Variants in EDA observed in about 807,000 individuals in gnomAD.
EDA encodes the protein ectodysplasin-A.
EDA carries 2 observed loss-of-function variants against 23.6 expected under a neutral mutation model. That is an observed-to-expected ratio of 0.08 (90% CI 0.03 to 0.27). The LOEUF (loss-of-function observed/expected upper bound fraction) is 0.27. Among genes scored for constraint, EDA ranks in the 10% least tolerant of loss-of-function variants. EDA has a pLI of 1.00. For synonymous variants in EDA, 131 were observed against 132.0 expected (o/e 0.99, Z 0.05); for missense variants, 229 against 324.2 (o/e 0.71, Z 2.26).
At chrX:69,674,923 C>T (rs778253038) in intron 1 of EDA, among the ~76,000 whole-genome samples, 3 of 111,982 alleles carry the variant, frequency 2.7e-5, no homozygotes, top group Non-Finnish European at 5.6e-5. Flanking sequence ...CTTCCTTGAA[C>T]CTCTGAAGTG....
At chrX:69,861,700 T>G (rs2017389399) in intron 1 of EDA, among the ~76,000 whole-genome samples, 1 of 111,550 alleles carries the variant, frequency 9.0e-6, no homozygotes, top group African/African-American at 3.3e-5. Flanking sequence ...AGACAAATAC[T>G]AACAAAAAAC....
At chrX:69,801,852 C>T (rs2015695080) in intron 1 of EDA, among the ~76,000 whole-genome samples, 2 of 111,617 alleles carry the variant, frequency 1.8e-5, no homozygotes, top group South Asian at 3.7e-4. Context: ...CTGACAGTTC[C>T]AATTTTGGCT....
chrX:69,718,293 CT>C (rs376781592), intron 1 of EDA, among the ~76,000 whole-genome samples: 20 of 110,327 alleles, frequency 1.8e-4, no homozygotes, highest in African/African-American at 5.6e-4. Flanking sequence ...ACCTGTATGC[CT>C]TTTTTTTCTT....
intron 1 of EDA, among the ~76,000 whole-genome samples, chrX:69,956,770 A>G (rs961161965): frequency 8.9e-6 from 1 of 112,156 alleles, no homozygotes; most frequent in Non-Finnish European, 1.9e-5. Context: ...AAGAAATGGG[A>G]CCTGATGGAT....
chrX:70,012,853 G>T (rs1449423794), intron 2 of EDA, among the ~76,000 whole-genome samples: 1 of 111,670 alleles, frequency 9.0e-6, no homozygotes, highest in African/African-American at 3.3e-5. Flanking sequence ...CCGCTACCTG[G>T]GCTCTTGGGC....
At chrX:69,863,611 GTA>G (rs1369951503) in intron 1 of EDA, among the ~76,000 whole-genome samples, 1 of 80,802 alleles carries the variant, frequency 1.2e-5, no homozygotes, top group African/African-American at 4.7e-5. Flanking sequence ...ATATATGTGT[GTA>G]TATATGTGTG....
At chrX:69,956,342 CTTTT>C (rs200365541) in intron 1 of EDA, among the ~76,000 whole-genome samples, 32 of 73,665 alleles carry the variant, frequency 4.3e-4, no homozygotes, top group Middle Eastern at 7.8e-3. Flanking sequence ...TTTCTTTCTT[CTTTT>C]TTTTTTTTTT....
chrX:69,756,978 A>T (rs957726324), intron 1 of EDA: 1 of 111,715 alleles, frequency 9.0e-6, no homozygotes, highest in African/African-American at 3.3e-5. Context: ...TACCATTGAC[A>T]GAGTGAGGTG....
chrX:69,808,128 G>T (rs935659397), intron 1 of EDA, among the ~76,000 whole-genome samples: 17 of 111,638 alleles, frequency 1.5e-4, no homozygotes, highest in African/African-American at 5.2e-4. Flanking sequence ...CAACTGTACT[G>T]AATAGTGTTG....
chrX:69,927,905 G>A (rs2018545532), intron 1 of EDA, among the ~76,000 whole-genome samples: 2 of 110,544 alleles, frequency 1.8e-5, no homozygotes, highest in African/African-American at 6.6e-5. Context: ...TTACTTCAGG[G>A]TCACACTAGG....
At chrX:69,702,838 TG>T (rs2011573481) in intron 1 of EDA, among the ~76,000 whole-genome samples, 2 of 111,661 alleles carry the variant, frequency 1.8e-5, no homozygotes, top group South Asian at 7.6e-4. Flanking sequence ...TAAAGTCGAA[TG>T]TTCATTTGCG....
At chrX:69,856,254 G>GGTGTGT (rs202079519) in intron 1 of EDA, among the ~76,000 whole-genome samples, 2,888 of 74,857 alleles carry the variant, frequency 0.039, 69 homozygotes, top group South Asian at 0.045. Context: ...AGTATTCCAT[G>GGTGTGT]GTGTGTGTGT....
chrX:69,825,542 A>G (rs1454220026), intron 1 of EDA, among the ~76,000 whole-genome samples: 1 of 111,211 alleles, frequency 9.0e-6, no homozygotes, highest in African/African-American at 3.3e-5. Flanking sequence ...ATCTGTGGTG[A>G]TATCCCCTTT....
intron 1 of EDA, among the ~76,000 whole-genome samples, chrX:69,891,832 A>G (rs1465546993): frequency 3.6e-5 from 4 of 111,269 alleles, no homozygotes; most frequent in South Asian, 7.7e-4. Flanking sequence ...TACCTGGGTG[A>G]TGGGATGATC....
chrX:69,927,844 C>T (rs944681002), intron 1 of EDA, among the ~76,000 whole-genome samples: 6 of 111,028 alleles, frequency 5.4e-5, no homozygotes, highest in Non-Finnish European at 9.4e-5. Flanking sequence ...AAGCTGCAAA[C>T]TTGTCTTTCT....
At chrX:69,826,227 G>A (rs1459769306) in intron 1 of EDA, among the ~76,000 whole-genome samples, 3 of 111,413 alleles carry the variant, frequency 2.7e-5, no homozygotes, top group Non-Finnish European at 5.6e-5. Context: ...GCTTGTTGCA[G>A]AGCTGAGTTC....
chrX:69,676,911 C>A (rs1934109865), intron 1 of EDA, among the ~76,000 whole-genome samples: 1 of 105,425 alleles, frequency 9.5e-6, no homozygotes, highest in Non-Finnish European at 1.9e-5. Flanking sequence ...ATGTGCCATG[C>A]TGGTGCGCTG....
At chrX:69,788,790 C>G (rs1172858004) in intron 1 of EDA, among the ~76,000 whole-genome samples, 8 of 113,412 alleles carry the variant, frequency 7.1e-5, no homozygotes, top group African/African-American at 1.3e-4. Flanking sequence ...CAGAGGCAGG[C>G]AGGCCTCCTT....
intron 1 of EDA, among the ~76,000 whole-genome samples, chrX:69,913,378 G>C (rs1299996956): frequency 8.9e-6 from 1 of 112,435 alleles, no homozygotes; most frequent in East Asian, 2.8e-4. Context: ...GCTTCATGTT[G>C]CACTTTTGTT....
Sources: gnomAD v4.1 joint callset for allele counts (sites outside exome capture counted in the v4.1 genomes callset) on GRCh38, gnomAD v4.1.1 for gene constraint, MANE v1.5 for transcripts, NCBI Gene and HGNC (gene_info 2026-07-23, HGNC 2026-07-21) for gene names.